RAI14: variants seen among roughly 807,000 people sequenced by gnomAD.
RAI14 encodes ankycorbin.
Under a neutral mutation model 115.4 loss-of-function variants are expected in RAI14, and 45 were observed. The observed-to-expected ratio is 0.39, with a 90% CI of 0.31 to 0.50. RAI14 has a LOEUF of 0.50. Among genes scored for constraint, RAI14 ranks in the 20% least tolerant of loss-of-function variants. The pLI is 0.85. For synonymous variants in RAI14, 371 were observed against 415.4 expected, an observed-to-expected ratio of 0.89 and a Z score of 1.30; for missense variants, 939 against 1,131.2, an observed-to-expected ratio of 0.83 and a Z score of 2.44.
chr5:34,793,511 T>G (rs757993790), intron 3 of RAI14, among the ~76,000 whole-genome samples: 3 of 130,768 alleles, frequency 2.3e-5, no homozygotes, highest in Non-Finnish European at 5.4e-5. Context: ...TTGGGGTCTC[T>G]GACCACATTC....
chr5:34,754,843 C>A (rs1167737321), intron 2 of RAI14, among the ~76,000 whole-genome samples: 1 of 152,096 alleles, frequency 6.6e-6, no homozygotes, highest in African/African-American at 2.4e-5. Flanking sequence ...TTTAGGGAAC[C>A]CCTGCAATCA....
intron 2 of RAI14, among the ~76,000 whole-genome samples, chr5:34,737,083 A>T (rs529375323): frequency 1.5e-3 from 232 of 152,252 alleles, no homozygotes; most frequent in African/African-American, 5.1e-3. Flanking sequence ...ATCAGAATCT[A>T]ATTGCTGATG....
chr5:34,772,769 A>G (rs1332245270), intron 3 of RAI14, among the ~76,000 whole-genome samples: 3 of 152,112 alleles, frequency 2.0e-5, no homozygotes, highest in African/African-American at 7.2e-5. Flanking sequence ...CTGCTATTTG[A>G]GGCTGCTAGG....
chr5:34,817,284 A>AG (rs1554011294), intron 12 of RAI14, among the ~76,000 whole-genome samples: 7 of 151,710 alleles, frequency 4.6e-5, no homozygotes, highest in South Asian at 2.1e-4. Context: ...AAAAAAAAAA[A>AG]AAAAAGAAAA....
chr5:34,726,694 G>C (rs1743512247), intron 2 of RAI14, among the ~76,000 whole-genome samples: 1 of 152,080 alleles, frequency 6.6e-6, no homozygotes, highest in African/African-American at 2.4e-5. Context: ...CTGTTCTCAG[G>C]ATAGTGAATA....
intron 13 of RAI14, among the ~76,000 whole-genome samples, chr5:34,819,958 C>T (rs1756655654): frequency 6.6e-6 from 1 of 152,106 alleles, no homozygotes. Flanking sequence ...TATAACTAAA[C>T]AAATGTTACA....
intron 1 of RAI14, among the ~76,000 whole-genome samples, chr5:34,663,901 G>A (rs983568411): frequency 3.3e-5 from 5 of 152,198 alleles, no homozygotes; most frequent in African/African-American, 1.2e-4. Context: ...CACCAGCTGG[G>A]TTTTTGTGAT....
chr5:34,747,969 A>G (rs889228288), intron 2 of RAI14, among the ~76,000 whole-genome samples: 1 of 152,202 alleles, frequency 6.6e-6, no homozygotes, highest in Non-Finnish European at 1.5e-5. Context: ...GCCAAGGCCT[A>G]TGGAAGAGAG....
chr5:34,812,282 C>T (rs574431099), intron 10 of RAI14, 74 bp downstream of exon 10: 1 of 1,250,448 alleles, frequency 8.0e-7, no homozygotes, highest in South Asian at 1.3e-5. Context: ...GATTTAACCA[C>T]TCTGGTCCAC....
intron 2 of RAI14, among the ~76,000 whole-genome samples, chr5:34,691,634 G>T (rs1264776892): frequency 6.6e-6 from 1 of 152,194 alleles, no homozygotes; most frequent in Non-Finnish European, 1.5e-5. Flanking sequence ...GGGAAATGGG[G>T]TTGAAAGATC....
At chr5:34,703,894 G>A (rs1740375457) in intron 2 of RAI14, among the ~76,000 whole-genome samples, 1 of 152,106 alleles carries the variant, frequency 6.6e-6, no homozygotes, top group African/African-American at 2.4e-5. Context: ...TTAATGTGAT[G>A]GTTCTTTTAT....
At chr5:34,708,363 C>T (rs1018916052) in intron 2 of RAI14, among the ~76,000 whole-genome samples, 1 of 151,984 alleles carries the variant, frequency 6.6e-6, no homozygotes, top group Admixed American at 6.6e-5. Context: ...CCACCTCGCC[C>T]GGCTAATTTT....
chr5:34,696,261 C>T (rs1297187067), intron 2 of RAI14, among the ~76,000 whole-genome samples: 2 of 152,140 alleles, frequency 1.3e-5, no homozygotes, highest in Non-Finnish European at 2.9e-5. Context: ...GCCTCAGCCT[C>T]TGAGTAGCTG....
At chr5:34,810,219 C>G (rs1314695583) in intron 7 of RAI14, among the ~76,000 whole-genome samples, 1 of 152,016 alleles carries the variant, frequency 6.6e-6, no homozygotes, top group Non-Finnish European at 1.5e-5. Context: ...AACTCACTGT[C>G]GATGGATTTA....
intron 2 of RAI14, among the ~76,000 whole-genome samples, chr5:34,753,777 G>A (rs74910235): frequency 0.12 from 18,080 of 152,182 alleles, 1,386 homozygotes; most frequent in Non-Finnish European, 0.16. Flanking sequence ...AGCTGGGCGT[G>A]GTGGCATGTG....
intron 3 of RAI14, among the ~76,000 whole-genome samples, chr5:34,778,776 A>C (rs1308676714): frequency 6.6e-6 from 1 of 151,242 alleles, no homozygotes; most frequent in African/African-American, 2.4e-5. Flanking sequence ...AAAAAAAACT[A>C]TCTTAATGGT....
At chr5:34,756,009 C>T (rs1184951352) in intron 2 of RAI14, among the ~76,000 whole-genome samples, 2 of 152,294 alleles carry the variant, frequency 1.3e-5, no homozygotes, top group South Asian at 2.1e-4. Flanking sequence ...CTGCTTCATT[C>T]CTACTGTGCA....
chr5:34,816,350 CCAAT>C (rs1425231668), intron 12 of RAI14, among the ~76,000 whole-genome samples: 4 of 151,876 alleles, frequency 2.6e-5, no homozygotes, highest in African/African-American at 9.7e-5. Flanking sequence ...TATATTAATT[CCAAT>C]CAAAGAGACA....
At chr5:34,691,023 C>T (rs1369886163) in intron 2 of RAI14, among the ~76,000 whole-genome samples, 1 of 152,024 alleles carries the variant, frequency 6.6e-6, no homozygotes, top group African/African-American at 2.4e-5. Context: ...GTTATAAGGC[C>T]TGGTGATAAA....
Sources: allele counts gnomAD v4.1 joint callset (sites outside exome capture counted in the v4.1 genomes callset), GRCh38; gene constraint gnomAD v4.1.1; transcripts MANE v1.5; gene names NCBI Gene and HGNC (gene_info 2026-07-23, HGNC 2026-07-21).